Variants in SNPH observed in about 807,000 individuals in gnomAD.
SNPH encodes syntaphilin.
A neutral mutation model predicts 36.8 loss-of-function variants in SNPH; 10 were observed. The observed-to-expected ratio is 0.27, with a 90% CI of 0.17 to 0.46. The LOEUF is 0.46. Ranked by LOEUF, SNPH falls within the 20% of genes least tolerant of loss-of-function variation. The probability of loss-of-function intolerance (pLI) is 1.00; values close to 1 mark genes in which losing one functional copy is unlikely to be tolerated. For synonymous variants in SNPH, 281 were observed against 312.2 expected (o/e 0.90, Z 1.05); for missense variants, 622 against 744.0 (o/e 0.84, Z 1.91).
chr20:1,273,315 T>A (rs1313936595), intron 2 of SNPH, among the ~76,000 whole-genome samples: 1 of 152,194 alleles, frequency 6.6e-6, no homozygotes, highest in African/African-American at 2.4e-5. Flanking sequence ...CCTTCTAGGA[T>A]TCAGATTAAA....
Position 1,288,411 on chromosome 20 carries a change from A to G in SNPH, c.-492-6540A>G, listed in dbSNP as rs148465048. Among the ~76,000 whole-genome samples, 543 of 152,158 alleles carry G rather than the reference A, an allele frequency of 3.6e-3. 2 individuals carry two copies. Among genetic ancestry groups the G allele is most frequent in the African/African-American group, 0.012 (512 of 41,520 alleles). On this transcript the variant is annotated intron_variant, in intron 2 of 6. Transcript: ENST00000381867. Reference sequence around the variant, plus strand: ...CAAAGACCCAAGGTCACCAAGATGGACGATGTGATATGGCTCAGAGGAGCT... The same window carrying G: ...CAAAGACCCAAGGTCACCAAGATGGGCGATGTGATATGGCTCAGAGGAGCT...
chr20:1,271,672 C>T (rs1472541650), intron 2 of SNPH, among the ~76,000 whole-genome samples: 2 of 152,098 alleles, frequency 1.3e-5, no homozygotes, highest in Non-Finnish European at 2.9e-5. Context: ...ATAATTGTTA[C>T]TTGAGGAAGA....
intron 2 of SNPH, among the ~76,000 whole-genome samples, chr20:1,291,372 A>G (rs1037514632): frequency 6.6e-6 from 1 of 152,288 alleles, no homozygotes; most frequent in South Asian, 2.1e-4. Context: ...TGGAAGGAAG[A>G]TCCTAGGTTT....
rs1356637502 is a variant in SNPH, at chr20:1,305,018, A to G, written c.581A>G (p.Asp194Gly). The change falls in exon 7 of 7, where the codon GAC becomes GGC. Residue 194 changes from aspartate (D) to glycine (G), a missense_variant. By Grantham distance (94) the Asp-to-Gly change is moderately conservative. Around this residue, in one of 3 missense-constraint regions of SNPH, gnomAD observed 56 missense variants for 106.6 expected, o/e 0.53. Coordinates refer to ENST00000381867, the MANE Select transcript of SNPH (RefSeq NM_001318234.2). The part of the protein sequence containing the change: ...KEIKQLKQVI[D>G]TVKNNLIDKD... ...ATCAAGCAGCTCAAGCAGGTCATCG[A>G]CACTGTCAAGAACAACCTGATTGAC... is the stretch of plus-strand genomic sequence containing the variant. 1 of 1,614,088 alleles carries G rather than the reference A, an allele frequency of 6.2e-7. No homozygotes were observed. The highest frequency in any genetic ancestry group is 1.7e-5 in the Admixed American group (1 of 60,034).
At chr20:1,290,136 C>T (rs573410197) in intron 2 of SNPH, among the ~76,000 whole-genome samples, 4 of 151,140 alleles carry the variant, frequency 2.6e-5, no homozygotes, top group Admixed American at 1.3e-4. Flanking sequence ...CACTTGAACC[C>T]GGGAGGCGGA....
At position 1,306,912 on chromosome 20, in the gene SNPH, C is replaced by T. The variant is rs2088586640; in HGVS notation, c.*858C>T. Reference sequence around the variant, plus strand: ...AAGAAGAGGAGGCAGGGGCAGAAACCCAAGGGGGCTCCCCCAGCCTTCCAA... The same window carrying T: ...AAGAAGAGGAGGCAGGGGCAGAAACTCAAGGGGGCTCCCCCAGCCTTCCAA... On this transcript the variant is annotated 3_prime_UTR_variant, in exon 7 of 7. Transcript: ENST00000381867. 6.6e-6 allele frequency: 1 copy of T among 152,360 alleles called. No individual in the cohort carries two copies. Among genetic ancestry groups the T allele is most frequent in the Non-Finnish European group, 1.5e-5 (1 of 68,126 alleles). The allele number at this position is 152,360 out of a possible 1,614,324, so 9.4% of individuals were successfully genotyped here.
At position 1,266,853 on chromosome 20, in the gene SNPH, T is replaced by G. The variant is rs2088012359; in HGVS notation, c.-493+93T>G. The G allele has an allele frequency of 7.7e-7, 1 of 1,295,110 alleles. No individual in the cohort carries two copies. Among genetic ancestry groups the G allele is most frequent in the South Asian group, 2.3e-5 (1 of 43,418 alleles). 80.2% of individuals were successfully genotyped at this position (1,295,110 alleles called of 1,614,324 possible). On this transcript the variant is annotated intron_variant, in intron 2 of 6. Coordinates refer to ENST00000381867, the MANE Select transcript of SNPH (RefSeq NM_001318234.2). This position sits in a 1 kb window ranked among gnomAD's most constrained non-coding sequence, Gnocchi z 6.0. The stretch of plus-strand genomic sequence containing the variant: ...AACCGCTCGCTGCGGTAGAATCCCT[T>G]GGAGGGCACCAGCCTAAGAGGGGTT...
At chr20:1,279,590 A>C (rs972882290) in intron 2 of SNPH, among the ~76,000 whole-genome samples, 1 of 148,358 alleles carries the variant, frequency 6.7e-6, no homozygotes, top group African/African-American at 2.5e-5. Context: ...ACTGATAGAA[A>C]GACTGGTTTC....
intron 6 of SNPH, among the ~76,000 whole-genome samples, chr20:1,303,445 G>A (rs2088527912): frequency 5.3e-5 from 8 of 152,246 alleles, no homozygotes. Context: ...CTCCCAGGGT[G>A]AGGTGTGAGT....
intron 2 of SNPH, among the ~76,000 whole-genome samples, chr20:1,267,280 C>T (rs958575504): frequency 4.6e-5 from 7 of 152,130 alleles, no homozygotes; most frequent in Non-Finnish European, 7.4e-5. Context: ...TCCGTCTCCC[C>T]GGAGCTTCCC....
chr20:1,267,569 A>G (rs1352699019), intron 2 of SNPH, among the ~76,000 whole-genome samples: 1 of 152,188 alleles, frequency 6.6e-6, no homozygotes, highest in African/African-American at 2.4e-5. Context: ...ACAAGTAGCC[A>G]TTTTAAAATT....
intron 4 of SNPH, 76 bp downstream of exon 4, chr20:1,296,497 C>A (rs1326350086): frequency 2.3e-6 from 3 of 1,295,200 alleles, no homozygotes; most frequent in African/African-American, 1.5e-5. Context: ...CTACCTGCCA[C>A]CAACTTGCAG....
chr20:1,291,888 C>G lies in SNPH; in HGVS notation c.-492-3063C>G, dbSNP rs8121091. Among the ~76,000 whole-genome samples, 826 of 152,278 alleles carry G rather than the reference C, an allele frequency of 5.4e-3. 6 individuals carry two copies. Among genetic ancestry groups the G allele is most frequent in the African/African-American group, 0.019 (776 of 41,552 alleles). On this transcript the variant is annotated intron_variant, in intron 2 of 6. Transcript: ENST00000381867. Reference sequence around the variant, plus strand: ...GATTGGGGAAAATGCTATCATGTCTCTTTGAAGAATGGAGCTTCCTAATTT... The same window carrying G: ...GATTGGGGAAAATGCTATCATGTCTGTTTGAAGAATGGAGCTTCCTAATTT...
intron 4 of SNPH, among the ~76,000 whole-genome samples, chr20:1,296,882 C>T (rs1041945804): frequency 6.6e-6 from 1 of 152,228 alleles, no homozygotes; most frequent in Non-Finnish European, 1.5e-5. Context: ...GCATATGAGG[C>T]CCCACCCTTG....
intron 5 of SNPH, among the ~76,000 whole-genome samples, chr20:1,298,639 C>T (rs561260702): frequency 1.3e-5 from 2 of 152,312 alleles, no homozygotes; most frequent in East Asian, 3.9e-4. Context: ...GATCCCAACC[C>T]CAGGGCTGAG....
rs1028020215 is a variant in SNPH at position 1,306,792 on chromosome 20, A to G, written c.*738A>G. Reference sequence around the variant, plus strand: ...CTTGGCACTTCTGGGTGTGTCAGTCATTATTCCTGTGAGGTAGCTAAGCCC... The same window carrying G: ...CTTGGCACTTCTGGGTGTGTCAGTCGTTATTCCTGTGAGGTAGCTAAGCCC... On this transcript the variant is annotated 3_prime_UTR_variant, in exon 7 of 7. Coordinates refer to ENST00000381867, the MANE Select transcript of SNPH (RefSeq NM_001318234.2). 6.6e-6 allele frequency: 1 copy of G among 152,476 alleles called. No homozygotes were observed. The highest frequency in any genetic ancestry group is 6.5e-5 in the Admixed American group (1 of 15,282). The allele number at this position is 152,476 out of a possible 1,614,324, so 9.4% of individuals were successfully genotyped here.
chr20:1,305,745 C>T lies in SNPH; in HGVS notation c.1308C>T (p.Pro436=), dbSNP rs142358551. The change falls in exon 7 of 7, where the codon CCC becomes CCT. Residue 436 remains proline (P), a synonymous_variant. Transcript: ENST00000381867. ...GPTPQRPGAN[P]NPGQSVSVVC... ...CCCCACAGCGGCCTGGTGCCAACCCCAACCCTGGCCAGTCGGTGAGCGTGG... is the reference window on the plus strand; with the variant it reads ...CCCCACAGCGGCCTGGTGCCAACCCTAACCCTGGCCAGTCGGTGAGCGTGG... The T allele has an allele frequency of 6.2e-7, 1 of 1,611,624 alleles. No homozygotes were observed. Among genetic ancestry groups the T allele is most frequent in the Non-Finnish European group, 8.5e-7 (1 of 1,179,286 alleles).
At chr20:1,293,844 T>C (rs1156269945) in intron 2 of SNPH, among the ~76,000 whole-genome samples, 1 of 152,116 alleles carries the variant, frequency 6.6e-6, no homozygotes, top group Non-Finnish European at 1.5e-5. Context: ...CCAAGCAAGA[T>C]AGTGGCAGGG....
chr20:1,305,639 G>T lies in SNPH; in HGVS notation c.1202G>T (p.Gly401Val), dbSNP rs778474541. The change falls in exon 7 of 7, where the codon GGG (glycine) becomes GTG (valine). Residue 401 changes from glycine (G) to valine (V), a missense_variant. Gly to Val is a moderately radical substitution (Grantham distance 109). Around this residue, in one of 3 missense-constraint regions of SNPH, gnomAD observed 379 missense variants for 427.9 expected, o/e 0.89. Coordinates refer to ENST00000381867, the MANE Select transcript of SNPH (RefSeq NM_001318234.2). Reference protein sequence around the residue: ...RCPELDAHPSGPRDPNSAVVV... With the variant: ...RCPELDAHPSVPRDPNSAVVV... Reference sequence around the variant, plus strand: ...CCAGAGCTGGATGCCCACCCTTCAGGGCCCAGAGACCCCAACTCAGCAGTG... The same window carrying T: ...CCAGAGCTGGATGCCCACCCTTCAGTGCCCAGAGACCCCAACTCAGCAGTG... 1 of 1,613,478 alleles carries T rather than the reference G, an allele frequency of 6.2e-7. No homozygotes were observed. The highest frequency in any genetic ancestry group is 8.5e-7 in the Non-Finnish European group (1 of 1,179,992).
Sources: gnomAD v4.1 joint callset for allele counts (sites outside exome capture counted in the v4.1 genomes callset) on GRCh38, gnomAD v4.1.1 for gene constraint, gnomAD v4.1.1 regional missense constraint, Gnocchi (gnomAD v3.1) non-coding constraint, MANE v1.5 for transcripts, NCBI Gene and HGNC (gene_info 2026-07-23, HGNC 2026-07-21) for gene names.